Variants in RPP14 observed in about 807,000 individuals in gnomAD.
RPP14 encodes ribonuclease P/MRP subunit p14.
RPP14 carries 19 observed loss-of-function variants against 17.8 expected under a neutral mutation model. The observed-to-expected ratio is 1.07, with a 90% confidence interval of 0.74 to 1.57. The LOEUF is 1.57. Ranked by LOEUF, RPP14 falls within the 40% of genes most tolerant of loss-of-function variation. The probability of loss-of-function intolerance (pLI) is 0.00; values close to 1 mark genes in which losing one functional copy is unlikely to be tolerated. For missense variants in RPP14, 125 were observed against 140.8 expected (o/e 0.89, Z 0.57); for synonymous variants, 60 against 56.4 (o/e 1.06, Z -0.29).
At position 58,310,578 on chromosome 3, in the gene RPP14, A is replaced by T; in HGVS notation, c.149A>T (p.Asp50Val). 6.2e-7 allele frequency: 1 copy of T among 1,612,390 alleles called. No individual in the cohort carries two copies. Among genetic ancestry groups the T allele is most frequent in the Non-Finnish European group, 8.5e-7 (1 of 1,179,390 alleles). ...FKQLLISAVK[D>V]LFGEVDAALP... ...CAGCTGCTTATTTCGGCTGTGAAGG[A>T]CCTGTTTGGGGAGGTATGGAATCAC... Residue 50 changes from aspartate (D) to valine (V), a missense_variant, in exon 3 of 6, where the codon GAC (aspartate) becomes GTC (valine). By Grantham distance (152) the Asp-to-Val change is radical. Transcript: ENST00000295959.
At chr3:58,316,464 T>G in intron 3 of RPP14, 51 bp from the exon 4 acceptor site, 2 of 1,509,116 alleles carry the variant, frequency 1.3e-6, no homozygotes, top group South Asian at 2.3e-5. Context: ...TTGACAAGCA[T>G]TCAAGAATAA....
At chr3:58,310,930 A>C (rs1445451483) in intron 3 of RPP14, among the ~76,000 whole-genome samples, 1 of 42,868 alleles carries the variant, frequency 2.3e-5, no homozygotes, top group African/African-American at 1.0e-4. Flanking sequence ...CTCTGTCACA[A>C]AAAAAAAAAT....
At chr3:58,316,120 A>G (rs1037803743) in intron 3 of RPP14, among the ~76,000 whole-genome samples, 1 of 152,270 alleles carries the variant, frequency 6.6e-6, no homozygotes, top group Non-Finnish European at 1.5e-5. Flanking sequence ...ACAAACAGAC[A>G]TGGCCTCTGC....
In RPP14 at chr3:58,319,667, A is replaced by G. The variant is rs898011765; in HGVS notation, c.*2171A>G. Reference sequence around the variant, plus strand: ...AAAATTGTAAGAAATAAATATTAAGAAGATTATGGAGGCCAAATTCTTAAG... The same window carrying G: ...AAAATTGTAAGAAATAAATATTAAGGAGATTATGGAGGCCAAATTCTTAAG... On this transcript the variant is annotated 3_prime_UTR_variant, in exon 6 of 6. Transcript: ENST00000295959. 1 of 152,066 alleles carries G rather than the reference A, an allele frequency of 6.6e-6. No individual in the cohort carries two copies. The highest frequency in any genetic ancestry group is 1.5e-5 in the Non-Finnish European group (1 of 68,012). 9.4% of individuals were successfully genotyped at this position (152,066 alleles called of 1,614,324 possible). A position where few individuals can be genotyped will look rare whatever the true frequency, so the allele number is the denominator to read the frequency against.
intron 3 of RPP14, among the ~76,000 whole-genome samples, chr3:58,312,339 C>CCT (rs1559794008): frequency 7.9e-6 from 1 of 127,226 alleles, no homozygotes; most frequent in African/African-American, 2.9e-5. Context: ...TCCGCACCCC[C>CCT]CCCCGCCCCT....
At chr3:58,307,285 G>A (rs756942704) in intron 1 of RPP14, among the ~76,000 whole-genome samples, 12 of 152,210 alleles carry the variant, frequency 7.9e-5, no homozygotes, top group Non-Finnish European at 1.6e-4. Context: ...ACCATAGCAA[G>A]ATTTTGAGCA....
In RPP14 at chr3:58,318,399, T is replaced by C; in HGVS notation, c.*903T>C. On this transcript the variant is annotated 3_prime_UTR_variant, in exon 6 of 6. Coordinates refer to ENST00000295959, the MANE Select transcript of RPP14 (RefSeq NM_007042.6). ...TAGGCTGGGCCCGGTGGCTCATGCCTGTAATCCTGGCACTTTGGGAGGCTG... is the reference window on the plus strand; with the variant it reads ...TAGGCTGGGCCCGGTGGCTCATGCCCGTAATCCTGGCACTTTGGGAGGCTG... 1.3e-5 allele frequency: 3 copies of C among 237,584 alleles called. No individual in the cohort carries two copies. Among genetic ancestry groups the C allele is most frequent in the Non-Finnish European group, 1.6e-5 (2 of 123,938 alleles). 14.7% of individuals were successfully genotyped at this position (237,584 alleles called of 1,614,324 possible). A position where few individuals can be genotyped will look rare whatever the true frequency, so the allele number is the denominator to read the frequency against.
intron 1 of RPP14, 76 bp from the exon 2 acceptor site, chr3:58,310,233 A>G: frequency 8.2e-7 from 1 of 1,213,660 alleles, no homozygotes; most frequent in Non-Finnish European, 1.2e-6. Context: ...AAAAACCCAA[A>G]TAGGCCAAAT....
rs1306315130 is a variant in RPP14 at position 58,306,352 on chromosome 3, G to A, written c.-87G>A. On this transcript the variant is annotated 5_prime_UTR_variant, in exon 1 of 6. Transcript: ENST00000295959. ...TGTGGCTGCTGCCGGGGAGCCCCAA[G>A]CCTTGGCGGGTCCTTGCGGCGAATA... The A allele has an allele frequency of 1.3e-5, 2 of 152,516 alleles. No homozygotes were observed. Among genetic ancestry groups the A allele is most frequent in the African/African-American group, 4.8e-5 (2 of 41,602 alleles). The allele number at this position is 152,516 out of a possible 1,614,324, so 9.4% of individuals were successfully genotyped here.
At chr3:58,308,806 G>T (rs2097478630) in intron 1 of RPP14, among the ~76,000 whole-genome samples, 1 of 152,148 alleles carries the variant, frequency 6.6e-6, no homozygotes, top group Non-Finnish European at 1.5e-5. Context: ...TTAAGAGATT[G>T]CATAACATGG....
chr3:58,312,960 CA>C (rs35853424), intron 3 of RPP14, among the ~76,000 whole-genome samples: 26,440 of 78,668 alleles, frequency 0.34, 3,134 homozygotes, highest in East Asian at 0.74. Context: ...GACTCTGTCT[CA>C]AAAAAAAAAA....
At chr3:58,310,666 C>G in intron 3 of RPP14, 75 bp downstream of exon 3, 1 of 1,289,262 alleles carries the variant, frequency 7.8e-7, no homozygotes, top group Non-Finnish European at 1.1e-6. Flanking sequence ...GGCGCGGTAG[C>G]TCACGCCTGT....
rs778617798 is a variant in RPP14, at chr3:58,317,410, A to G, written c.319-30A>G. The G allele has an allele frequency of 6.6e-6, 10 of 1,512,398 alleles. No individual in the cohort carries two copies. In the East Asian group the frequency reaches 2.3e-4, roughly 34 times the overall value. The allele number at this position is 1,512,398 out of a possible 1,614,324, so 93.7% of individuals were successfully genotyped here. On this transcript the variant is annotated intron_variant, in intron 5 of 5. Coordinates refer to ENST00000295959, the MANE Select transcript of RPP14 (RefSeq NM_007042.6). ...CCTGTGCTTCAGTGTGGTTTCTCCC[A>G]ATGCCTTAACCTTTTTCTTTCTCTT...
At chr3:58,315,311 A>T (rs1392028158) in intron 3 of RPP14, among the ~76,000 whole-genome samples, 2 of 151,882 alleles carry the variant, frequency 1.3e-5, no homozygotes, top group South Asian at 2.1e-4. Flanking sequence ...GGGTGTTTCC[A>T]TTTATAGAAG....
intron 1 of RPP14, 168 bp from the exon 2 acceptor site, chr3:58,310,141 A>T: frequency 1.7e-6 from 1 of 585,870 alleles, no homozygotes; most frequent in Non-Finnish European, 3.0e-6. Context: ...CCAGAGGTGG[A>T]GGCTGCAGTG....
At chr3:58,317,309 CCT>C in intron 5 of RPP14, 129 bp from the exon 6 acceptor site, 1 of 642,990 alleles carries the variant, frequency 1.6e-6, no homozygotes, top group Non-Finnish European at 2.8e-6. Flanking sequence ...TCGAAGGCTT[CCT>C]CTCAGGATGC....
At chr3:58,310,690 T>C (rs2097481270) in intron 3 of RPP14, 99 bp downstream of exon 3, 1 of 976,758 alleles carries the variant, frequency 1.0e-6, no homozygotes, top group Non-Finnish European at 1.6e-6. Context: ...CCCAGCACTT[T>C]GGAGGCCGAG....
At chr3:58,307,499 C>T (rs1299437597) in intron 1 of RPP14, among the ~76,000 whole-genome samples, 1 of 152,104 alleles carries the variant, frequency 6.6e-6, no homozygotes, top group African/African-American at 2.4e-5. Flanking sequence ...CCGAGGTCGG[C>T]GGATCACTTG....
At chr3:58,310,776 A>G (rs914646529) in intron 3 of RPP14, among the ~76,000 whole-genome samples, 185 bp downstream of exon 3, 1 of 152,056 alleles carries the variant, frequency 6.6e-6, no homozygotes, top group Admixed American at 6.6e-5. Flanking sequence ...CTAAAACTGC[A>G]AAGATAAGCT....
Sources: allele counts gnomAD v4.1 joint callset (sites outside exome capture counted in the v4.1 genomes callset), GRCh38; gene constraint gnomAD v4.1.1; transcripts MANE v1.5; gene names NCBI Gene and HGNC (gene_info 2026-07-23, HGNC 2026-07-21).